Variants in IFFO2 observed in about 807,000 individuals in gnomAD.
The protein encoded by IFFO2 is intermediate filament family orphan 2.
IFFO2 carries 19 observed loss-of-function variants against 53.5 expected under a neutral mutation model. The ratio of observed to expected loss-of-function variants is 0.36; its 90% CI spans 0.25 to 0.52. The LOEUF (loss-of-function observed/expected upper bound fraction) is 0.52, where lower values mean the gene tolerates loss of function less well. Among genes scored for constraint, IFFO2 ranks in the 20% least tolerant of loss-of-function variants. IFFO2 has a pLI of 0.94. For missense variants in IFFO2, 570 were observed against 727.4 expected (o/e 0.78, Z 2.49); for synonymous variants, 303 against 313.6 (o/e 0.97, Z 0.36).
rs572793313 is a variant in IFFO2 at position 18,932,379 on chromosome 1, C to T, written c.666-11258G>A. Among the ~76,000 whole-genome samples the T allele has an allele frequency of 2.6e-5, 4 of 152,306 alleles. No homozygotes were observed. In the East Asian group the frequency reaches 7.7e-4, roughly 29 times the overall value. ...CTGCGCTATGGAAATCGTGGGGTTG[C>T]GGGGAGGCTGCAGCTTGTCATCCAG... On this transcript the variant is annotated intron_variant, in intron 1 of 8. Transcript: ENST00000455833.
At chr1:18,933,807 C>T (rs1936410463) in intron 1 of IFFO2, among the ~76,000 whole-genome samples, 2 of 152,190 alleles carry the variant, frequency 1.3e-5, no homozygotes, top group South Asian at 4.2e-4. Flanking sequence ...ACCATCTTAA[C>T]CATTTTTAAA....
chr1:18,934,151 T>C (rs1034174697), intron 1 of IFFO2, among the ~76,000 whole-genome samples: 1 of 129,078 alleles, frequency 7.7e-6, no homozygotes, highest in Admixed American at 9.7e-5. Context: ...TCACTGCACC[T>C]CCACCTCCTG....
intron 8 of IFFO2, 85 bp from the exon 9 acceptor site, chr1:18,908,751 T>G (rs1437867238): frequency 1.1e-6 from 1 of 920,746 alleles, no homozygotes; most frequent in East Asian, 2.7e-5. Flanking sequence ...GAGCTGCCAC[T>G]TCTATAAGAT....
At position 18,906,128 on chromosome 1, in the gene IFFO2, C is replaced by A. The variant is rs1935944924; in HGVS notation, c.*2433G>T. The A allele has an allele frequency of 6.6e-6, 1 of 152,220 alleles. No homozygotes were observed. Among genetic ancestry groups the A allele is most frequent in the South Asian group, 2.1e-4 (1 of 4,826 alleles). The allele number at this position is 152,220 out of a possible 1,614,324, so 9.4% of individuals were successfully genotyped here. On this transcript the variant is annotated 3_prime_UTR_variant, in exon 9 of 9. Coordinates refer to ENST00000455833, the MANE Select transcript of IFFO2 (RefSeq NM_001136265.2). ...GGCAGGCCCATCACACTCTGGCTTT[C>A]CCTCTCCTACCCACCTGCCCCAAGT...
chr1:18,921,194 C>A (rs1363780623), intron 1 of IFFO2, 73 bp from the exon 2 acceptor site: 3 of 1,264,792 alleles, frequency 2.4e-6, no homozygotes, highest in Non-Finnish European at 3.4e-6. Context: ...GACACAACCC[C>A]AACACCCACC....
rs71763185 is a variant in IFFO2, at chr1:18,935,700, C to CTT, written c.666-14581_666-14580dup. 5.7e-5 allele frequency among the ~76,000 whole-genome samples: 8 copies of CTT among 139,298 alleles called. No homozygotes were observed. The East Asian group carries it at 1.5e-3, about 26-fold the overall frequency. 91.4% of individuals were successfully genotyped at this position (139,298 alleles called of 152,430 possible). A position where few individuals can be genotyped will look rare whatever the true frequency, so the allele number is the denominator to read the frequency against. ...CTTTCTTTTCTCTCTCTCCTTCTGT[C>CTT]TTTTTTTTTTTTTTTGAGATAAGAT... On this transcript the variant is annotated intron_variant, in intron 1 of 8. Transcript: ENST00000455833.
chr1:18,920,440 T>G (rs529762433), intron 2 of IFFO2, among the ~76,000 whole-genome samples: 4 of 152,364 alleles, frequency 2.6e-5, no homozygotes, highest in Admixed American at 2.6e-4. Flanking sequence ...TGGAAGAACT[T>G]TTCATGCCTT....
At chr1:18,914,708 A>G (rs1936105486) in intron 5 of IFFO2, among the ~76,000 whole-genome samples, 1 of 151,764 alleles carries the variant, frequency 6.6e-6, no homozygotes, top group African/African-American at 2.4e-5. Flanking sequence ...CTGTAGTCTC[A>G]GCTACTTCGG....
Position 18,956,181 on chromosome 1 carries a change from C to T in IFFO2, c.152G>A (p.Gly51Asp). 1 of 1,454,072 alleles carries T rather than the reference C, an allele frequency of 6.9e-7. No individual in the cohort carries two copies. The highest frequency in any genetic ancestry group is 1.5e-5 in the African/African-American group (1 of 67,490). 90.1% of individuals were successfully genotyped at this position (1,454,072 alleles called of 1,614,324 possible). A position where few individuals can be genotyped will look rare whatever the true frequency, so the allele number is the denominator to read the frequency against. ...PVTAALRDDL[G>D]SNIHLLKGLN... ...CCCCTTCAAGAGGTGGATGTTGGAG[C>T]CCAGGTCGTCCCGCAGCGCCGCCGT... The change falls in exon 1 of 9, where the codon GGC becomes GAC. Residue 51 changes from glycine to aspartate, a missense_variant. Coordinates refer to ENST00000455833, the MANE Select transcript of IFFO2 (RefSeq NM_001136265.2). This position sits in a 1 kb window ranked among gnomAD's most constrained non-coding sequence, Gnocchi z 6.4.
rs1162971036 is a variant in IFFO2 at position 18,928,137 on chromosome 1, C to G, written c.666-7016G>C. Reference sequence around the variant, plus strand: ...GCCCGTCTTCTCCCCCGAAAATGGACAGCCAATAAGCTCTAGCCCCTGCGC... The same window carrying G: ...GCCCGTCTTCTCCCCCGAAAATGGAGAGCCAATAAGCTCTAGCCCCTGCGC... On this transcript the variant is annotated intron_variant, in intron 1 of 8. Coordinates refer to ENST00000455833, the MANE Select transcript of IFFO2 (RefSeq NM_001136265.2). This position sits in a 1 kb window ranked among gnomAD's most constrained non-coding sequence, Gnocchi z 4.9. Among the ~76,000 whole-genome samples the G allele has an allele frequency of 6.6e-6, 1 of 152,170 alleles. No homozygotes were observed. Among genetic ancestry groups the G allele is most frequent in the African/African-American group, 2.4e-5 (1 of 41,434 alleles).
At chr1:18,951,931 A>C (rs1427137264) in intron 1 of IFFO2, among the ~76,000 whole-genome samples, 4 of 152,042 alleles carry the variant, frequency 2.6e-5, no homozygotes, top group African/African-American at 9.7e-5. Context: ...CACTGACCTA[A>C]AGTAGAGAGC....
chr1:18,913,956 T>C (rs1005233736), intron 5 of IFFO2, among the ~76,000 whole-genome samples: 31 of 152,112 alleles, frequency 2.0e-4, no homozygotes, highest in Non-Finnish European at 2.5e-4. Flanking sequence ...CTCAGCCTCC[T>C]GCGTAGCTGG....
chr1:18,929,195 C>G (rs762956566), intron 1 of IFFO2, among the ~76,000 whole-genome samples: 2 of 152,184 alleles, frequency 1.3e-5, no homozygotes, highest in Non-Finnish European at 2.9e-5. Flanking sequence ...AAGCTAGGAG[C>G]CTCAGTCTCC....
At chr1:18,921,203 C>T in intron 1 of IFFO2, 82 bp from the exon 2 acceptor site, 1 of 1,197,054 alleles carries the variant, frequency 8.4e-7, no homozygotes, top group East Asian at 2.5e-5. Context: ...CCAACACCCA[C>T]CCAGGGACTA....
At chr1:18,946,192 G>A (rs866541876) in intron 1 of IFFO2, among the ~76,000 whole-genome samples, 15 of 152,254 alleles carry the variant, frequency 9.9e-5, no homozygotes, top group African/African-American at 2.9e-4. Flanking sequence ...CAGGCACTCC[G>A]CTTGCCAGTT....
chr1:18,921,041 G>C lies in IFFO2; in HGVS notation c.726+20C>G, dbSNP rs891744209. ...CTCTCTGGCGTGCCTCTCCTGGTCG[G>C]GATATCGGAGGGCTCTTACCTCCTG... On this transcript the variant is annotated intron_variant, in intron 2 of 8. Transcript: ENST00000455833. The C allele has an allele frequency of 1.3e-6, 2 of 1,550,814 alleles. No homozygotes were observed. Among genetic ancestry groups the C allele is most frequent in the Non-Finnish European group, 1.7e-6 (2 of 1,146,046 alleles).
At chr1:18,945,313 C>G (rs1308349218) in intron 1 of IFFO2, among the ~76,000 whole-genome samples, 1 of 152,104 alleles carries the variant, frequency 6.6e-6, no homozygotes, top group Non-Finnish European at 1.5e-5. Flanking sequence ...CTACCACCCC[C>G]CAAGATGGCC....
intron 1 of IFFO2, 93 bp downstream of exon 1, chr1:18,955,575 T>C: frequency 2.1e-6 from 3 of 1,450,306 alleles, no homozygotes; most frequent in Non-Finnish European, 2.7e-6. Flanking sequence ...CAGTACCAGC[T>C]GCCCGCCCGG....
At chr1:18,912,458 A>G (rs2100642414) in intron 5 of IFFO2, among the ~76,000 whole-genome samples, 1 of 152,306 alleles carries the variant, frequency 6.6e-6, no homozygotes, top group East Asian at 1.9e-4. Context: ...CTTCTCTGCA[A>G]TTTGGAAAGG....
Sources: gnomAD v4.1 joint callset for allele counts (sites outside exome capture counted in the v4.1 genomes callset) on GRCh38, gnomAD v4.1.1 for gene constraint, Gnocchi (gnomAD v3.1) non-coding constraint, MANE v1.5 for transcripts, NCBI Gene and HGNC (gene_info 2026-07-23, HGNC 2026-07-21) for gene names.